Variants in RABL2A observed in about 807,000 individuals in gnomAD.
The protein encoded by RABL2A is RAB, member of RAS oncogene family like 2A.
RABL2A carries 17 observed loss-of-function variants against 30.7 expected under a neutral mutation model. The observed-to-expected ratio is 0.55, with a 90% CI of 0.38 to 0.83. The LOEUF (loss-of-function observed/expected upper bound fraction) is 0.83, where lower values mean the gene tolerates loss of function less well. Ranked by LOEUF, RABL2A falls within the 40% of genes least tolerant of loss-of-function variation. RABL2A has a pLI of 0.00. For missense variants in RABL2A, 155 were observed against 272.6 expected (o/e 0.57, Z 3.04); for synonymous variants, 64 against 101.8 (o/e 0.63, Z 2.24).
chr2:113,634,508 T>A (rs1274636682), intron 4 of RABL2A: 18 of 524,452 alleles, frequency 3.4e-5, no homozygotes, highest in Non-Finnish European at 6.2e-5. Flanking sequence ...TGTACCCACC[T>A]CAGGGAAGAA....
rs143220260 is a variant in RABL2A, at chr2:113,642,984, C to T, written c.*855C>T. The T allele has an allele frequency of 2.7e-4, 94 of 351,126 alleles. No homozygotes were observed. In the East Asian group the frequency reaches 6.9e-3, roughly 26 times the overall value. 21.8% of individuals were successfully genotyped at this position (351,126 alleles called of 1,614,324 possible). On this transcript the variant is annotated 3_prime_UTR_variant, in exon 9 of 9. Transcript: ENST00000683472. The stretch of plus-strand genomic sequence containing the variant: ...CAGATAGCTATTCATTCCAGATTTC[C>T]GTGTACCCACTCTGTTTCAGGAGCT...
rs375316415 is a variant in RABL2A, at chr2:113,635,133, A to G, written c.297+3A>G. 9.0e-5 allele frequency: 145 copies of G among 1,613,980 alleles called. No individual in the cohort carries two copies. Among genetic ancestry groups the G allele is most frequent in the Non-Finnish European group, 1.1e-4 (128 of 1,180,018 alleles). On this transcript the variant is annotated splice_donor_region_variant and intron_variant, in intron 5 of 8. Coordinates refer to ENST00000683472, the MANE Select transcript of RABL2A (RefSeq NM_001306158.2). ...ACAAGGCCCATGCCTGCATCATGGT[A>G]CGAGACGGTGGGGAGGTGGACAAAG... is the stretch of plus-strand genomic sequence containing the variant.
chr2:113,637,651 G>T (rs1683437548), intron 5 of RABL2A: 3 of 1,269,576 alleles, frequency 2.4e-6, no homozygotes, highest in Non-Finnish European at 3.1e-6. Context: ...AACTGTTAAG[G>T]TACTAAACAA....
chr2:113,635,749 G>A (rs1310285499), intron 5 of RABL2A, among the ~76,000 whole-genome samples: 1 of 152,216 alleles, frequency 6.6e-6, no homozygotes, highest in East Asian at 1.9e-4. Context: ...TTCCCTGGCT[G>A]CGTTCTCAGG....
intron 5 of RABL2A, chr2:113,637,516 G>T: frequency 8.4e-7 from 1 of 1,196,204 alleles, no homozygotes; most frequent in Non-Finnish European, 1.1e-6. Context: ...CAGTGGTGAG[G>T]ACAGTGAGGA....
At chr2:113,632,867 G>A in intron 2 of RABL2A, 48 bp from the exon 3 acceptor site, 1 of 1,614,190 alleles carries the variant, frequency 6.2e-7, no homozygotes, top group Non-Finnish European at 8.5e-7. Flanking sequence ...TCTGGGACAA[G>A]GGAGAGATGG....
intron 5 of RABL2A, chr2:113,638,184 A>G (rs1683659911): frequency 1.0e-6 from 1 of 985,336 alleles, no homozygotes; most frequent in African/African-American, 1.7e-5. Context: ...AGGAGACTTC[A>G]TCGGGAATTC....
chr2:113,640,842 G>T, intron 5 of RABL2A, 52 bp from the exon 6 acceptor site: 4 of 1,609,238 alleles, frequency 2.5e-6, no homozygotes, highest in African/African-American at 2.7e-5. Context: ...TGGAGATGGG[G>T]TGCAGAAACA....
At chr2:113,629,477 G>GTCTCTCTC (rs141881303) in intron 2 of RABL2A, among the ~76,000 whole-genome samples, 1 of 148,814 alleles carries the variant, frequency 6.7e-6, no homozygotes, top group Non-Finnish European at 1.5e-5. Context: ...TGAATTCTCT[G>GTCTCTCTC]TCTCTCTCTC....
chr2:113,630,617 GCTTT>G lies in RABL2A; in HGVS notation c.107+1909_107+1912del, dbSNP rs757529184. ...CCACGGTAGCAGCCCCAGTCACCAG[GCTTT>G]CTTTAAGGTGCCTTTTTTTTTTTTT... On this transcript the variant is annotated intron_variant, in intron 2 of 8. Transcript: ENST00000683472. Among the ~76,000 whole-genome samples, 116 of 151,622 alleles carry G rather than the reference GCTTT, an allele frequency of 7.7e-4. 1 individual carries two copies. The highest frequency in any genetic ancestry group is 2.1e-4 in the Non-Finnish European group (14 of 67,952).
chr2:113,640,528 A>T, intron 5 of RABL2A: 1 of 308,466 alleles, frequency 3.2e-6, no homozygotes, highest in South Asian at 2.9e-5. Context: ...GGCATGCGCC[A>T]CCACGCCCAG....
At chr2:113,636,992 AAAAAT>A (rs779215575) in intron 5 of RABL2A, among the ~76,000 whole-genome samples, 7,773 of 139,430 alleles carry the variant, frequency 0.056, 413 homozygotes, top group East Asian at 0.25. Flanking sequence ...CTGTCTCAAA[AAAAAT>A]AAAAAAATAA....
chr2:113,643,343 GT>G lies in RABL2A; in HGVS notation c.*1218del, dbSNP rs772314272. 27 of 342,098 alleles carry G rather than the reference GT, an allele frequency of 7.9e-5. No homozygotes were observed. Among genetic ancestry groups the G allele is most frequent in the Non-Finnish European group, 1.4e-4 (24 of 175,408 alleles). 21.2% of individuals were successfully genotyped at this position (342,098 alleles called of 1,614,324 possible). ...TGTTTGCATTGTGTTTATTAATAGG[GT>G]TTTGTTTTTATTGTTTCCTTTTTTA... On this transcript the variant is annotated 3_prime_UTR_variant, in exon 9 of 9. Coordinates refer to ENST00000683472, the MANE Select transcript of RABL2A (RefSeq NM_001306158.2).
intron 5 of RABL2A, 39 bp from the exon 6 acceptor site, chr2:113,640,855 G>A (rs372687700): frequency 1.2e-6 from 2 of 1,613,180 alleles, no homozygotes; most frequent in African/African-American, 2.7e-5. Flanking sequence ...CAGAAACATT[G>A]ACATACCTGA....
chr2:113,630,051 T>A (rs962680483), intron 2 of RABL2A, among the ~76,000 whole-genome samples: 1 of 152,182 alleles, frequency 6.6e-6, no homozygotes, highest in Non-Finnish European at 1.5e-5. Flanking sequence ...AGAATGTATC[T>A]TGGTATACCC....
intron 5 of RABL2A, among the ~76,000 whole-genome samples, chr2:113,639,458 C>A (rs1232934563): frequency 6.6e-6 from 1 of 151,114 alleles, no homozygotes; most frequent in Non-Finnish European, 1.5e-5. Context: ...CCTGTCTCTA[C>A]TAAAACTACA....
intron 5 of RABL2A, chr2:113,635,467 C>T (rs1367834878): frequency 2.0e-5 from 8 of 397,268 alleles, no homozygotes; most frequent in African/African-American, 1.2e-4. Flanking sequence ...CAAGGCCTCC[C>T]TCCACTGTTG....
At chr2:113,632,364 A>G (rs1009664603) in intron 2 of RABL2A, among the ~76,000 whole-genome samples, 2 of 152,200 alleles carry the variant, frequency 1.3e-5, no homozygotes, top group Non-Finnish European at 2.9e-5. Context: ...CACATTCAGA[A>G]TAGATGGTCC....
At position 113,637,654 on chromosome 2, in the gene RABL2A, C is replaced by G. The variant is rs1683439697; in HGVS notation, c.297+2524C>G. 4.7e-5 allele frequency: 60 copies of G among 1,272,480 alleles called. 1 individual carries two copies. In the South Asian group the frequency reaches 7.3e-4, roughly 16 times the overall value. 78.8% of individuals were successfully genotyped at this position (1,272,480 alleles called of 1,614,324 possible). On this transcript the variant is annotated intron_variant, in intron 5 of 8. Coordinates refer to ENST00000683472, the MANE Select transcript of RABL2A (RefSeq NM_001306158.2). The stretch of plus-strand genomic sequence containing the variant: ...TTTAACTCTGATAACTGTTAAGGTA[C>G]TAAACAAGAGGATAATGGGGCAAGG...
Sources: gnomAD v4.1 joint callset for allele counts (sites outside exome capture counted in the v4.1 genomes callset) on GRCh38, gnomAD v4.1.1 for gene constraint, MANE v1.5 for transcripts, NCBI Gene and HGNC (gene_info 2026-07-23, HGNC 2026-07-21) for gene names.